The following TENM3 variants were observed in gnomAD, a reference collection of about 807,000 sequenced individuals.
The protein encoded by TENM3 is teneurin-3.
TENM3 carries 63 observed loss-of-function variants against 255.1 expected under a neutral mutation model. The observed-to-expected ratio is 0.25, with a 90% confidence interval of 0.20 to 0.30. The LOEUF is 0.30. TENM3 is among the 10% of genes least tolerant of loss of function. The probability of loss-of-function intolerance (pLI) is 1.00; values close to 1 mark genes in which losing one functional copy is unlikely to be tolerated. For missense variants in TENM3, 2,929 were observed against 3,461.1 expected (o/e 0.85, Z 3.86); for synonymous variants, 1,306 against 1,322.3 (o/e 0.99, Z 0.27).
chr4:181,708,194 G>A, the TENM3 span, among the ~76,000 whole-genome samples: 1 of 152,140 alleles, frequency 6.6e-6, no homozygotes, highest in Non-Finnish European at 1.5e-5. Flanking sequence ...AATTATAGCA[G>A]CATGGGCTAA....
At chr4:181,462,145 T>G in the TENM3 span, among the ~76,000 whole-genome samples, 1 of 152,196 alleles carries the variant, frequency 6.6e-6, no homozygotes, top group African/African-American at 2.4e-5. Flanking sequence ...TTGAGAAATG[T>G]AGAAAATTAT....
chr4:182,273,294 A>G (rs748274111), intron 1 of TENM3, among the ~76,000 whole-genome samples: 5 of 152,188 alleles, frequency 3.3e-5, no homozygotes, highest in African/African-American at 9.6e-5. Flanking sequence ...CTACTTATAC[A>G]TGCTATATAG....
chr4:182,559,918 G>A (rs921674431), intron 3 of TENM3, among the ~76,000 whole-genome samples: 1 of 151,728 alleles, frequency 6.6e-6, no homozygotes, highest in African/African-American at 2.4e-5. Flanking sequence ...AATATAATTG[G>A]ATTGTTTATA....
chr4:181,984,894 A>G, the TENM3 span, among the ~76,000 whole-genome samples: 1 of 151,812 alleles, frequency 6.6e-6, no homozygotes, highest in Non-Finnish European at 1.5e-5. Flanking sequence ...AATAAAAAAC[A>G]ATTCACTAGA....
At chr4:181,910,892 TC>T in the TENM3 span, among the ~76,000 whole-genome samples, 1 of 152,152 alleles carries the variant, frequency 6.6e-6, no homozygotes, top group Admixed American at 6.5e-5. Flanking sequence ...TCTCATCATT[TC>T]CATTCTAGCT....
the TENM3 span, among the ~76,000 whole-genome samples, chr4:182,060,880 G>A: frequency 6.6e-6 from 1 of 152,152 alleles, no homozygotes; most frequent in African/African-American, 2.4e-5. Flanking sequence ...TGTTCTCTAG[G>A]CAGGTATATG....
chr4:182,738,789 A>G (rs1045914692), intron 18 of TENM3, among the ~76,000 whole-genome samples: 4 of 152,200 alleles, frequency 2.6e-5, no homozygotes, highest in Non-Finnish European at 4.4e-5. Context: ...TGATTTTCCC[A>G]TTAGAATGTG....
At chr4:181,641,907 T>C in the TENM3 span, among the ~76,000 whole-genome samples, 4 of 144,084 alleles carry the variant, frequency 2.8e-5, no homozygotes, top group East Asian at 2.1e-4. Context: ...GTCTTTGTTA[T>C]TGTGAATAGG....
chr4:182,036,555 C>T, the TENM3 span, among the ~76,000 whole-genome samples: 4 of 152,130 alleles, frequency 2.6e-5, no homozygotes, highest in African/African-American at 9.7e-5. Flanking sequence ...ATCCCCCAAA[C>T]CCAAAATGAC....
At chr4:181,752,697 T>C in the TENM3 span, among the ~76,000 whole-genome samples, 1 of 152,066 alleles carries the variant, frequency 6.6e-6, no homozygotes, top group African/African-American at 2.4e-5. Flanking sequence ...CTCAAACCCC[T>C]GCCGCAGACA....
chr4:181,614,157 C>T, the TENM3 span, among the ~76,000 whole-genome samples: 1 of 152,026 alleles, frequency 6.6e-6, no homozygotes, highest in South Asian at 2.1e-4. Context: ...ATATAACCCA[C>T]ATAGACAAAA....
chr4:182,315,994 A>G (rs1334592576), intron 1 of TENM3, among the ~76,000 whole-genome samples: 4 of 152,130 alleles, frequency 2.6e-5, no homozygotes, highest in Non-Finnish European at 4.4e-5. Flanking sequence ...GGATGCAGTT[A>G]TTATAACCAT....
the TENM3 span, among the ~76,000 whole-genome samples, chr4:181,874,736 G>A: frequency 0.36 from 55,430 of 152,016 alleles, 11,030 homozygotes; most frequent in East Asian, 0.76. Context: ...CCTTTCTGGT[G>A]CCCTACCATG....
At chr4:182,366,905 G>A (rs545663567) in intron 3 of TENM3, among the ~76,000 whole-genome samples, 4 of 152,172 alleles carry the variant, frequency 2.6e-5, no homozygotes, top group Admixed American at 1.3e-4. Flanking sequence ...CAGAAAGTCA[G>A]GTTACATAAG....
the TENM3 span, among the ~76,000 whole-genome samples, chr4:181,743,421 G>A: frequency 7.9e-5 from 12 of 152,256 alleles, no homozygotes; most frequent in East Asian, 1.9e-3. Context: ...TTTCTCTGAC[G>A]CCAGTGATGG....
intron 11 of TENM3, among the ~76,000 whole-genome samples, chr4:182,687,656 C>G (rs1756687756): frequency 6.6e-6 from 1 of 152,128 alleles, no homozygotes; most frequent in Non-Finnish European, 1.5e-5. Flanking sequence ...GTAGATTCCT[C>G]TTAGTGAAAG....
At chr4:181,798,453 T>A in the TENM3 span, among the ~76,000 whole-genome samples, 1 of 152,088 alleles carries the variant, frequency 6.6e-6, no homozygotes, top group Non-Finnish European at 1.5e-5. Flanking sequence ...GGAGCCCAGC[T>A]TTCTTGACTT....
At position 182,792,335 on chromosome 4, in the gene TENM3, G is replaced by T; in HGVS notation, c.5663G>T (p.Arg1888Leu). ...QYIFEYDMWD[R>L]LSAITMPSVA... is the part of the protein sequence containing the mutation. ...ATCTTCGAATACGATATGTGGGACC[G>T]CCTGTCTGCCATCACCATGCCCAGT... The change falls in exon 26 of 28, where the codon CGC becomes CTC. Residue 1888 changes from arginine to leucine, a missense_variant. Around this residue, in one of 6 missense-constraint regions of TENM3, gnomAD observed 303 missense variants for 425.2 expected, o/e 0.71. Transcript: ENST00000511685. This position sits in a 1 kb window ranked among gnomAD's most constrained non-coding sequence, Gnocchi z 6.3. The T allele has an allele frequency of 3.1e-6, 5 of 1,613,962 alleles. No individual in the cohort carries two copies. The highest frequency in any genetic ancestry group is 4.2e-6 in the Non-Finnish European group (5 of 1,179,892).
chr4:181,751,042 G>A, the TENM3 span, among the ~76,000 whole-genome samples: 7 of 152,146 alleles, frequency 4.6e-5, no homozygotes, highest in Non-Finnish European at 7.3e-5. Flanking sequence ...CCAGCTGGCT[G>A]CTTGTTCAAA....
Sources: gnomAD v4.1 joint callset for allele counts (sites outside exome capture counted in the v4.1 genomes callset) on GRCh38, gnomAD v4.1.1 for gene constraint, gnomAD v4.1.1 regional missense constraint, Gnocchi (gnomAD v3.1) non-coding constraint, MANE v1.5 for transcripts, NCBI Gene and HGNC (gene_info 2026-07-23, HGNC 2026-07-21) for gene names.